The following TLE1 variants were observed in gnomAD, a reference collection of about 807,000 sequenced individuals.
The protein encoded by TLE1 is transducin-like enhancer protein 1.
A neutral mutation model predicts 89.8 loss-of-function variants in TLE1; 21 were observed. That is an observed-to-expected ratio of 0.23 (90% CI 0.17 to 0.34). The LOEUF is 0.34. TLE1 is among the 10% of genes least tolerant of loss of function. TLE1 has a pLI of 1.00. For synonymous variants in TLE1, 447 were observed against 407.6 expected, an observed-to-expected ratio of 1.10 and a Z score of -1.16; for missense variants, 795 against 1,031.2, an observed-to-expected ratio of 0.77 and a Z score of 3.14.
rs376593345 is a variant in TLE1 at position 81,688,311 on chromosome 9, G to C, written c.-71C>G. ...CCGGTCAATTTCCAACTTTAATCCC[G>C]CCGAGGAAAATTAAGCCGGAAAGCC... is the stretch of plus-strand genomic sequence containing the variant. On this transcript the variant is annotated 5_prime_UTR_variant, in exon 1 of 20. Transcript: ENST00000376499. The C allele has an allele frequency of 1.1e-5, 16 of 1,441,174 alleles. No homozygotes were observed. In the African/African-American group the frequency reaches 2.1e-4, roughly 19 times the overall value. The allele number at this position is 1,441,174 out of a possible 1,614,324, so 89.3% of individuals were successfully genotyped here. A position where few individuals can be genotyped will look rare whatever the true frequency, so the allele number is the denominator to read the frequency against.
chr9:81,688,070 G>A (rs919900607), intron 1 of TLE1, 147 bp downstream of exon 1: 32 of 981,438 alleles, frequency 3.3e-5, no homozygotes, highest in East Asian at 1.2e-4. Flanking sequence ...CCCACCCCAG[G>A]AAGAGAGGGC....
chr9:81,673,666 T>C (rs1404404238), intron 4 of TLE1, among the ~76,000 whole-genome samples: 1 of 152,052 alleles, frequency 6.6e-6, no homozygotes, highest in Non-Finnish European at 1.5e-5. Context: ...GGTGGAATAA[T>C]TAGTATCCAC....
Position 81,615,843 on chromosome 9 carries a change from AG to A in TLE1, c.918+138del, listed in dbSNP as rs1474012864. 6 of 1,080,850 alleles carry A rather than the reference AG, an allele frequency of 5.6e-6. No homozygotes were observed. In the African/African-American group the frequency reaches 9.6e-5, roughly 17 times the overall value. 67.0% of individuals were successfully genotyped at this position (1,080,850 alleles called of 1,614,324 possible). ...ACCCTGAATGGTGACAAAGAACAGA[AG>A]GATGAGTTTCACTATTAAACTCTTA... is the stretch of plus-strand genomic sequence containing the variant. On this transcript the variant is annotated intron_variant, in intron 11 of 19. Transcript: ENST00000376499.
chr9:81,681,967 C>A (rs1331867219), intron 4 of TLE1, among the ~76,000 whole-genome samples: 1 of 151,996 alleles, frequency 6.6e-6, no homozygotes, highest in Non-Finnish European at 1.5e-5. Flanking sequence ...ACAGACAGGC[C>A]GGGTGTGGTA....
chr9:81,593,033 C>A lies in TLE1; in HGVS notation c.1573G>T (p.Asp525Tyr). 3.7e-6 allele frequency: 6 copies of A among 1,612,776 alleles called. No individual in the cohort carries two copies. Among genetic ancestry groups the A allele is most frequent in the Non-Finnish European group, 4.2e-6 (5 of 1,178,906 alleles). The change falls in exon 15 of 20, where the codon GAC (aspartate) becomes TAC (tyrosine). Residue 525 changes from aspartate to tyrosine, a missense_variant. By Grantham distance (160) the Asp-to-Tyr change is radical. Around this residue, in one of 4 missense-constraint regions of TLE1, gnomAD observed 214 missense variants for 354.9 expected, o/e 0.60. Coordinates refer to ENST00000376499, the MANE Select transcript of TLE1 (RefSeq NM_005077.5). ...PGNKSPVSQL[D>Y]CLNRDNYIRS... ...AGTTCCTGTTCACTCACCAGACAGT[C>A]GAGCTGGGAGACAGGGCTCTTATTG...
chr9:81,656,453 A>T (rs1434238373), intron 4 of TLE1, among the ~76,000 whole-genome samples: 1 of 152,190 alleles, frequency 6.6e-6, no homozygotes, highest in Non-Finnish European at 1.5e-5. Context: ...AAAATGATAT[A>T]TGCTCACTTT....
chr9:81,634,000 C>G, intron 7 of TLE1, 97 bp downstream of exon 7: 1 of 1,301,882 alleles, frequency 7.7e-7, no homozygotes, highest in Middle Eastern at 2.0e-4. Context: ...TGTTTGCTCT[C>G]TGTATAGGTT....
chr9:81,622,096 C>A (rs992419504), intron 8 of TLE1, among the ~76,000 whole-genome samples: 1 of 152,196 alleles, frequency 6.6e-6, no homozygotes, highest in Non-Finnish European at 1.5e-5. Context: ...GCTGACAAGG[C>A]TGCAGGAGAC....
At position 81,609,241 on chromosome 9, in the gene TLE1, C is replaced by T. The variant is rs532296843; in HGVS notation, c.1331+979G>A. Among the ~76,000 whole-genome samples, 131 of 152,202 alleles carry T rather than the reference C, an allele frequency of 8.6e-4. 1 individual carries two copies. Among genetic ancestry groups the T allele is most frequent in the African/African-American group, 2.6e-3 (109 of 41,546 alleles). On this transcript the variant is annotated intron_variant, in intron 14 of 19. Coordinates refer to ENST00000376499, the MANE Select transcript of TLE1 (RefSeq NM_005077.5). Reference sequence around the variant, plus strand: ...CTGGGATTACAGGCACATACCACCACGCCCAGCTAATTTTTGTATTTTTAG... The same window carrying T: ...CTGGGATTACAGGCACATACCACCATGCCCAGCTAATTTTTGTATTTTTAG...
intron 6 of TLE1, among the ~76,000 whole-genome samples, chr9:81,642,735 G>GAAAGAAAA (rs1398541733): frequency 2.0e-5 from 3 of 151,688 alleles, no homozygotes; most frequent in African/African-American, 7.3e-5. Context: ...AAGAAAGAAA[G>GAAAGAAAA]AGAGAGAAAA....
At chr9:81,614,816 G>A (rs57065882) in intron 11 of TLE1, among the ~76,000 whole-genome samples, 5,752 of 151,628 alleles carry the variant, frequency 0.038, 390 homozygotes, top group African/African-American at 0.13. Flanking sequence ...CCATAATATC[G>A]GGGCATGCTC....
At chr9:81,638,727 C>T (rs1204166063) in intron 6 of TLE1, among the ~76,000 whole-genome samples, 2 of 151,830 alleles carry the variant, frequency 1.3e-5, no homozygotes, top group African/African-American at 4.8e-5. Flanking sequence ...TGGGTTCAAG[C>T]GATTCTCCTG....
chr9:81,610,382 G>T, intron 13 of TLE1, 86 bp from the exon 14 acceptor site: 1 of 969,410 alleles, frequency 1.0e-6, no homozygotes, highest in Non-Finnish European at 1.6e-6. Context: ...GAAACTCACA[G>T]ATCCCCAAAG....
chr9:81,593,190 G>A lies in TLE1; in HGVS notation c.1416C>T (p.Pro472=). The A allele has an allele frequency of 6.2e-7, 1 of 1,614,038 alleles. No homozygotes were observed. The highest frequency in any genetic ancestry group is 8.5e-7 in the Non-Finnish European group (1 of 1,180,002). The part of the protein sequence containing the change: ...PPDALIGPGI[P]RHARQINTLN... Reference sequence around the variant, plus strand: ...GGGTGTTGATCTGGCGAGCATGCCGGGGGATTCCGGGTCCGATGAGGGCGT... The same window carrying A: ...GGGTGTTGATCTGGCGAGCATGCCGAGGGATTCCGGGTCCGATGAGGGCGT... The change falls in exon 15 of 20, where the codon CCC becomes CCT. Residue 472 remains proline (P), a synonymous_variant. Coordinates refer to ENST00000376499, the MANE Select transcript of TLE1 (RefSeq NM_005077.5).
chr9:81,616,203 C>G, intron 10 of TLE1, 69 bp from the exon 11 acceptor site: 1 of 1,533,642 alleles, frequency 6.5e-7, no homozygotes, highest in Admixed American at 2.2e-5. Flanking sequence ...TTTCCACACT[C>G]ATTCTCTAAA....
intron 2 of TLE1, among the ~76,000 whole-genome samples, chr9:81,686,430 G>A (rs766958038): frequency 6.6e-6 from 1 of 152,130 alleles, no homozygotes; most frequent in Non-Finnish European, 1.5e-5. Flanking sequence ...CTCCCTGCTG[G>A]GTAAACACGG....
intron 6 of TLE1, among the ~76,000 whole-genome samples, chr9:81,651,165 A>T (rs556009483): frequency 1.3e-5 from 2 of 152,342 alleles, no homozygotes; most frequent in South Asian, 4.1e-4. Flanking sequence ...AACTATAAAG[A>T]CCAGCAGGGC....
intron 9 of TLE1, among the ~76,000 whole-genome samples, chr9:81,619,132 C>T (rs540146477): frequency 1.3e-5 from 2 of 152,292 alleles, no homozygotes; most frequent in East Asian, 3.9e-4. Flanking sequence ...ATAAACCTTC[C>T]AACTTGCTTA....
intron 4 of TLE1, among the ~76,000 whole-genome samples, chr9:81,679,603 G>C (rs1219345361): frequency 1.8e-4 from 28 of 152,052 alleles, no homozygotes; most frequent in Admixed American, 1.8e-3. Flanking sequence ...CCTCTGGTGA[G>C]GAGTATTTTG....
Sources: gnomAD v4.1 joint callset for allele counts (sites outside exome capture counted in the v4.1 genomes callset) on GRCh38, gnomAD v4.1.1 for gene constraint, gnomAD v4.1.1 regional missense constraint, MANE v1.5 for transcripts, NCBI Gene and HGNC (gene_info 2026-07-23, HGNC 2026-07-21) for gene names.